The following POMGNT1 variants were observed in gnomAD, a reference collection of about 807,000 sequenced individuals.
The protein encoded by POMGNT1 is protein O-linked-mannose beta-1,2-N-acetylglucosaminyltransferase 1.
Under a neutral mutation model 95.6 loss-of-function variants are expected in POMGNT1, and 67 were observed. The observed-to-expected ratio is 0.70, with a 90% confidence interval of 0.58 to 0.86. The LOEUF is 0.86. Ranked by LOEUF, POMGNT1 falls within the 40% of genes least tolerant of loss-of-function variation. POMGNT1 has a pLI of 0.00. For synonymous variants in POMGNT1, 298 were observed against 317.9 expected (o/e 0.94, Z 0.66); for missense variants, 719 against 855.2 (o/e 0.84, Z 1.99).
At chr1:46,216,397 A>G (rs1468493928) in intron 1 of POMGNT1, among the ~76,000 whole-genome samples, 2 of 152,068 alleles carry the variant, frequency 1.3e-5, no homozygotes, top group Non-Finnish European at 2.9e-5. Flanking sequence ...GGCTGGGTGC[A>G]GTGGCACCAC....
At position 46,196,112 on chromosome 1, in the gene POMGNT1, C is replaced by T; in HGVS notation, c.355-35G>A. ...GGCAGAGACAAAGTCCAGCTTTTCA[C>T]TCTGGCATTCAAGGTGTCTCTGTCT... On this transcript the variant is annotated intron_variant, in intron 4 of 21. Transcript: ENST00000371984. The surrounding 1 kb of genome is among the most constrained non-coding windows in gnomAD (Gnocchi z 4.4). 1 of 1,613,572 alleles carries T rather than the reference C, an allele frequency of 6.2e-7. No individual in the cohort carries two copies. The highest frequency in any genetic ancestry group is 8.5e-7 in the Non-Finnish European group (1 of 1,180,014).
intron 1 of POMGNT1, among the ~76,000 whole-genome samples, chr1:46,216,125 C>T (rs1009947346): frequency 4.4e-5 from 6 of 135,300 alleles, no homozygotes; most frequent in African/African-American, 1.6e-4. Flanking sequence ...CGGCTCACTG[C>T]AGGCTCCGCC....
Position 46,196,938 on chromosome 1 carries a change from G to T in POMGNT1, c.235+32C>A, listed in dbSNP as rs773024032. ...CTGCCACTCCAGCTGTGAGATCCAA[G>T]GCCCCCTACCCCATCCTTAGCCTAG... On this transcript the variant is annotated intron_variant, in intron 3 of 21. Transcript: ENST00000371984. This position sits in a 1 kb window ranked among gnomAD's most constrained non-coding sequence, Gnocchi z 4.4. 4 of 1,614,166 alleles carry T rather than the reference G, an allele frequency of 2.5e-6. No individual in the cohort carries two copies. Among genetic ancestry groups the T allele is most frequent in the Non-Finnish European group, 2.5e-6 (3 of 1,180,014 alleles).
At chr1:46,216,043 C>CT (rs141982741) in intron 1 of POMGNT1, among the ~76,000 whole-genome samples, 41,160 of 92,800 alleles carry the variant, frequency 0.44, 10,685 homozygotes, top group Non-Finnish European at 0.55. Context: ...TTTATTTTAT[C>CT]TTTTTTTTTT....
chr1:46,198,645 G>T (rs1034850627), upstream of POMGNT1, among the ~76,000 whole-genome samples: 2 of 152,162 alleles, frequency 1.3e-5, no homozygotes, highest in African/African-American at 2.4e-5. Flanking sequence ...CTGCCTGCAC[G>T]AGAGCAGCCC....
intron 20 of POMGNT1, 86 bp from the exon 21 acceptor site, chr1:46,189,653 C>T (rs1657595590): frequency 1.3e-6 from 2 of 1,556,738 alleles, no homozygotes; most frequent in South Asian, 1.2e-5. Flanking sequence ...AGCCCCCACC[C>T]CTCCTCAGAA....
At chr1:46,203,253 T>G (rs771630607), upstream of POMGNT1, 8 of 447,198 alleles carry the variant, frequency 1.8e-5, no homozygotes, top group Non-Finnish European at 2.7e-5. Flanking sequence ...CTCGAATACA[T>G]CCACAGACGG....
At chr1:46,220,099 A>G (rs1659194195) in exon 1 of POMGNT1, 1 of 1,614,112 alleles carries the variant, frequency 6.2e-7, no homozygotes, top group African/African-American at 1.3e-5. Flanking sequence ...GCTGTGTGGA[A>G]GCCCCCAGGG....
rs886043972 is a variant in POMGNT1 at position 46,194,395 on chromosome 1, T to A, written c.758A>T (p.Glu253Val). 8.7e-6 allele frequency: 14 copies of A among 1,614,072 alleles called. No individual in the cohort carries two copies. Among genetic ancestry groups the A allele is most frequent in the Non-Finnish European group, 1.2e-5 (14 of 1,180,032 alleles). The change falls in exon 9 of 22, where the codon GAG (glutamate) becomes GTG (valine). Residue 253 changes from glutamate to valine, a missense_variant. Coordinates refer to ENST00000371984, the MANE Select transcript of POMGNT1 (RefSeq NM_017739.4). ...DVPLSSAEEA[E>V]CHWADTELNR... ...CAGCTCTGTGTCTGCCCAGTGGCAC[T>A]CTGCCTCTGAGGGAAGGATGCGGTT... is the stretch of plus-strand genomic sequence containing the variant.
At chr1:46,210,926 T>TA (rs1474341598) in intron 1 of POMGNT1, among the ~76,000 whole-genome samples, 1 of 150,770 alleles carries the variant, frequency 6.6e-6, no homozygotes, top group Non-Finnish European at 1.5e-5. Context: ...AGGTGTGCAA[T>TA]ACCACACTCA....
In POMGNT1 at chr1:46,194,495, G is replaced by A. The variant is rs1296753055; in HGVS notation, c.751+58C>T. On this transcript the variant is annotated intron_variant, in intron 8 of 21. Transcript: ENST00000371984. ...TCAAAGGAATAAAGCTCCACAGAGA[G>A]ATCTAAATGCCCACCCCCAGCCCAG... 6 of 1,614,002 alleles carry A rather than the reference G, an allele frequency of 3.7e-6. No homozygotes were observed. The Admixed American group carries it at 8.3e-5, about 22-fold the overall frequency.
intron 7 of POMGNT1, 73 bp downstream of exon 7, chr1:46,194,771 C>CA: frequency 6.2e-7 from 1 of 1,613,496 alleles, no homozygotes; most frequent in South Asian, 1.1e-5. Context: ...TTCCCCACCC[C>CA]ACCCCATCTC....
intron 1 of POMGNT1, 195 bp downstream of exon 1, chr1:46,198,141 A>G: frequency 5.3e-6 from 2 of 380,810 alleles, no homozygotes; most frequent in South Asian, 2.7e-5. Flanking sequence ...GTTAGCCCCT[A>G]CAAGGACCAA....
rs141982741 is a variant in POMGNT1, at chr1:46,216,043, C to CTTTTTTTTTTTTT, written c.-51+3649_-51+3661dup. ...AAAATAATTTCAACTTTTATTTTAT[C>CTTTTTTTTTTTTT]TTTTTTTTTTTTTTTTTTTTTTTGT... On this transcript the variant is annotated intron_variant, in intron 1 of 22. Transcript: ENST00000371992. Among the ~76,000 whole-genome samples the CTTTTTTTTTTTTT allele has an allele frequency of 7.6e-3, 707 of 92,546 alleles. 3 individuals are homozygous for CTTTTTTTTTTTTT. The highest frequency in any genetic ancestry group is 9.4e-3 in the Non-Finnish European group (487 of 52,046). The allele number at this position is 92,546 out of a possible 152,430, so 60.7% of individuals were successfully genotyped here.
intron 1 of POMGNT1, among the ~76,000 whole-genome samples, chr1:46,213,227 T>TGAAC (rs1297121684): frequency 6.6e-6 from 1 of 151,536 alleles, no homozygotes; most frequent in Non-Finnish European, 1.5e-5. Flanking sequence ...GCATATACCA[T>TGAAC]AGTGATTTCA....
chr1:46,211,185 CCT>C (rs1316870328), intron 1 of POMGNT1, among the ~76,000 whole-genome samples: 1 of 152,056 alleles, frequency 6.6e-6, no homozygotes, highest in Non-Finnish European at 1.5e-5. Context: ...CCCAGCAAAG[CCT>C]GTCTGTTTAG....
upstream of POMGNT1, among the ~76,000 whole-genome samples, chr1:46,202,920 G>GGTGT (rs10689850): frequency 0.048 from 3,085 of 64,424 alleles, 151 homozygotes; most frequent in South Asian, 0.058. Flanking sequence ...GGGGGGGGGT[G>GGTGT]GTGTGTGTGT....
At chr1:46,218,923 C>T (rs1659147233) in intron 1 of POMGNT1, among the ~76,000 whole-genome samples, 2 of 152,034 alleles carry the variant, frequency 1.3e-5, no homozygotes, top group Non-Finnish European at 2.9e-5. Context: ...CCTTTTGGCC[C>T]AATCTACTTC....
intron 1 of POMGNT1, among the ~76,000 whole-genome samples, chr1:46,209,610 T>C (rs1488620737): frequency 6.8e-6 from 1 of 147,176 alleles, no homozygotes; most frequent in Non-Finnish European, 1.5e-5. Context: ...AGTGGCCCAA[T>C]CTCAGCTCAC....
Sources: gnomAD v4.1 joint callset for allele counts (sites outside exome capture counted in the v4.1 genomes callset) on GRCh38, gnomAD v4.1.1 for gene constraint, Gnocchi (gnomAD v3.1) non-coding constraint, MANE v1.5 for transcripts, NCBI Gene and HGNC (gene_info 2026-07-23, HGNC 2026-07-21) for gene names.